Variants in GABRA3 observed in about 807,000 individuals in gnomAD.
The protein encoded by GABRA3 is gamma-aminobutyric acid type A receptor subunit alpha3.
GABRA3 carries 10 observed loss-of-function variants against 30.1 expected under a neutral mutation model. That is an observed-to-expected ratio of 0.33 (90% confidence interval 0.20 to 0.56). GABRA3 has a LOEUF of 0.56. Among genes scored for constraint, GABRA3 ranks in the 20% least tolerant of loss-of-function variants. The pLI, the probability that GABRA3 is intolerant of heterozygous loss-of-function variation, is 0.89. For missense variants in GABRA3, 233 were observed against 392.0 expected (o/e 0.59, Z 3.42); for synonymous variants, 151 against 146.8 (o/e 1.03, Z -0.21).
At chrX:152,361,436 G>T (rs981903716) in intron 2 of GABRA3, among the ~76,000 whole-genome samples, 34 of 109,185 alleles carry the variant, frequency 3.1e-4, no homozygotes, top group African/African-American at 1.1e-3. Flanking sequence ...AGCTGGGCGT[G>T]GTGGCATGTG....
chrX:152,439,056 G>A lies in GABRA3; in HGVS notation c.-27+12090C>T, dbSNP rs573612236. Among the ~76,000 whole-genome samples, 27 of 110,761 alleles carry A rather than the reference G, an allele frequency of 2.4e-4. No homozygotes were observed. In the South Asian group the frequency reaches 9.7e-3, roughly 40 times the overall value. On this transcript the variant is annotated intron_variant, in intron 1 of 9. Transcript: ENST00000370314. The stretch of plus-strand genomic sequence containing the variant: ...AGACGTTAATAATAAGGGAAACTGG[G>A]GTGGGGGATGGGGTAACTCCGTTGA...
intron 5 of GABRA3, among the ~76,000 whole-genome samples, chrX:152,248,901 A>G (rs1417094427): frequency 8.9e-6 from 1 of 112,007 alleles, no homozygotes; most frequent in Non-Finnish European, 1.9e-5. Flanking sequence ...TCTGCAATGT[A>G]TATGTACTTA....
At chrX:152,400,608 C>T (rs1239051365) in intron 1 of GABRA3, among the ~76,000 whole-genome samples, 1 of 111,941 alleles carries the variant, frequency 8.9e-6, no homozygotes, top group African/African-American at 3.2e-5. Flanking sequence ...AGTATTATCC[C>T]TATGAATATG....
At chrX:152,242,624 T>C (rs1215104409) in intron 5 of GABRA3, among the ~76,000 whole-genome samples, 2 of 112,254 alleles carry the variant, frequency 1.8e-5, no homozygotes, top group African/African-American at 6.5e-5. Context: ...ATGTTTGTCT[T>C]AGATGTATGA....
intron 1 of GABRA3, among the ~76,000 whole-genome samples, chrX:152,368,584 A>G (rs1030361456): frequency 9.0e-6 from 1 of 111,362 alleles, no homozygotes; most frequent in Non-Finnish European, 1.9e-5. Flanking sequence ...TATTGTGAAT[A>G]ACGCTGCATT....
intron 6 of GABRA3, among the ~76,000 whole-genome samples, chrX:152,216,623 G>A (rs187724722): frequency 0.076 from 8,262 of 109,136 alleles, 321 homozygotes; most frequent in Middle Eastern, 0.13. Flanking sequence ...ATAGAATGGC[G>A]GTTACCTGAG....
At chrX:152,376,087 T>C (rs933079963) in intron 1 of GABRA3, among the ~76,000 whole-genome samples, 2 of 111,795 alleles carry the variant, frequency 1.8e-5, no homozygotes, top group African/African-American at 6.5e-5. Context: ...ACACTGACAA[T>C]CAGAATTGCC....
intron 3 of GABRA3, among the ~76,000 whole-genome samples, chrX:152,305,818 A>AT (rs1332646841): frequency 3.6e-5 from 4 of 111,569 alleles, no homozygotes; most frequent in African/African-American, 9.8e-5. Flanking sequence ...ATGAGCCTAC[A>AT]TATCAAAACC....
chrX:152,425,094 T>G (rs1399648336), intron 1 of GABRA3, among the ~76,000 whole-genome samples: 4 of 106,718 alleles, frequency 3.7e-5, no homozygotes, highest in Non-Finnish European at 7.7e-5. Context: ...TGCTCCATCA[T>G]GCTCAGCTAA....
At chrX:152,295,159 C>A (rs1214772960) in intron 3 of GABRA3, among the ~76,000 whole-genome samples, 1 of 112,384 alleles carries the variant, frequency 8.9e-6, no homozygotes, top group East Asian at 2.8e-4. Context: ...GGTCTGGGAC[C>A]CACTTGAGGA....
intron 3 of GABRA3, among the ~76,000 whole-genome samples, chrX:152,286,220 A>G (rs1939295023): frequency 9.9e-6 from 1 of 101,123 alleles, no homozygotes; most frequent in Non-Finnish European, 1.9e-5. Flanking sequence ...AGCTACCCAG[A>G]GAAGTGAAGT....
intron 1 of GABRA3, among the ~76,000 whole-genome samples, chrX:152,435,068 A>G (rs1469355089): frequency 8.9e-6 from 1 of 111,893 alleles, no homozygotes; most frequent in Non-Finnish European, 1.9e-5. Context: ...ATAAAATAAT[A>G]TAAATACAGC....
chrX:152,226,023 A>T (rs1208049266), intron 5 of GABRA3, among the ~76,000 whole-genome samples: 2 of 111,155 alleles, frequency 1.8e-5, no homozygotes, highest in East Asian at 5.7e-4. Flanking sequence ...TGAGACTGAA[A>T]AAAACATGCC....
chrX:152,327,924 G>A, intron 3 of GABRA3, among the ~76,000 whole-genome samples: 1 of 110,942 alleles, frequency 9.0e-6, no homozygotes, highest in African/African-American at 3.3e-5. Context: ...CAGGTTTTTT[G>A]AAAGATCAAC....
intron 3 of GABRA3, among the ~76,000 whole-genome samples, chrX:152,327,656 G>A (rs1477498529): frequency 8.9e-6 from 1 of 111,835 alleles, no homozygotes; most frequent in Non-Finnish European, 1.9e-5. Context: ...AAACCAATGA[G>A]AACAAAGACA....
intron 7 of GABRA3, among the ~76,000 whole-genome samples, chrX:152,201,566 G>T (rs1486491527): frequency 2.7e-5 from 3 of 111,372 alleles, no homozygotes; most frequent in Non-Finnish European, 5.7e-5. Flanking sequence ...AGTGATTTGG[G>T]GGAATTTTCT....
Position 152,166,377 on chromosome X carries a change from C to T in GABRA3, c.*1851G>A, listed in dbSNP as rs1190078775. On this transcript the variant is annotated 3_prime_UTR_variant, in exon 10 of 10. Transcript: ENST00000370314. ...TTAACAGCCCCGCCCTCCCACCCCC[C>T]ATATCCCCACATATCCACAAGACTA... 1 of 100,469 alleles carries T rather than the reference C, an allele frequency of 1.0e-5. No individual in the cohort carries two copies. The highest frequency in any genetic ancestry group is 3.7e-5 in the African/African-American group (1 of 27,125). The allele number at this position is 100,469 out of a possible 1,213,427, so 8.3% of individuals were successfully genotyped here.
At chrX:152,390,762 G>A (rs1165900046) in intron 1 of GABRA3, among the ~76,000 whole-genome samples, 2 of 111,155 alleles carry the variant, frequency 1.8e-5, no homozygotes, top group African/African-American at 6.5e-5. Flanking sequence ...CGATGATAAC[G>A]ATGATGAGGA....
At chrX:152,353,682 C>T (rs1456868566) in intron 2 of GABRA3, among the ~76,000 whole-genome samples, 2 of 111,687 alleles carry the variant, frequency 1.8e-5, no homozygotes, top group Non-Finnish European at 3.8e-5. Context: ...TTCTTTACCC[C>T]CACACCCACA....
Sources: gnomAD v4.1 joint callset for allele counts (sites outside exome capture counted in the v4.1 genomes callset) on GRCh38, gnomAD v4.1.1 for gene constraint, MANE v1.5 for transcripts, NCBI Gene and HGNC (gene_info 2026-07-23, HGNC 2026-07-21) for gene names.